The following COL24A1 variants were observed in gnomAD, a reference collection of about 807,000 sequenced individuals.
The protein encoded by COL24A1 is collagen type XXIV alpha 1 chain.
In COL24A1, 224 loss-of-function variants were observed where a neutral mutation model predicts 253.9. The ratio of observed to expected loss-of-function variants is 0.88; its 90% CI spans 0.79 to 0.99. The LOEUF (loss-of-function observed/expected upper bound fraction) is 0.99, where lower values mean the gene tolerates loss of function less well. Ranked by LOEUF, COL24A1 falls within the 50% of genes least tolerant of loss-of-function variation. COL24A1 has a pLI of 0.00. For synonymous variants in COL24A1, 685 were observed against 673.7 expected (o/e 1.02, Z -0.26); for missense variants, 2,131 against 2,068.5 (o/e 1.03, Z -0.59).
intron 1 of COL24A1, among the ~76,000 whole-genome samples, chr1:86,148,979 G>A (rs1652342081): frequency 6.6e-6 from 1 of 152,098 alleles, no homozygotes; most frequent in African/African-American, 2.4e-5. Flanking sequence ...GTGTAAAAGT[G>A]TTCCTATTTC....
intron 24 of COL24A1, among the ~76,000 whole-genome samples, chr1:85,932,531 A>G (rs1446172362): frequency 8.4e-6 from 1 of 119,236 alleles, no homozygotes; most frequent in Non-Finnish European, 1.7e-5. Context: ...CAGTGTGGCG[A>G]TTCCTCAGGG....
rs1557924378 is a variant in COL24A1 at position 85,734,863 on chromosome 1, C to A, written c.4884G>T (p.Trp1628Cys). The change falls in exon 59 of 60, where the codon TGG becomes TGT. Residue 1628 changes from tryptophan to cysteine, a missense_variant. Physicochemically the swap from Trp to Cys is radical, Grantham distance 215. Transcript: ENST00000370571. The stretch of plus-strand genomic sequence containing the variant: ...CTGGGCCACTTGTTTGTGTGCTTGT[C>A]CACCTTGGGGTGTTTAGACAGTGAA... ...ITIHCLNTPR[W>C]TSTQTSGPGL... is the part of the protein sequence containing the mutation. The A allele has an allele frequency of 6.2e-7, 1 of 1,614,178 alleles. No homozygotes were observed. Among genetic ancestry groups the A allele is most frequent in the Non-Finnish European group, 8.5e-7 (1 of 1,180,038 alleles).
intron 45 of COL24A1, among the ~76,000 whole-genome samples, chr1:85,818,586 T>A (rs967913642): frequency 6.6e-6 from 1 of 152,216 alleles, no homozygotes; most frequent in African/African-American, 2.4e-5. Flanking sequence ...AGAGCATACT[T>A]GTGATTCAAG....
chr1:86,072,282 C>G (rs1701932771), intron 7 of COL24A1, among the ~76,000 whole-genome samples: 1 of 152,168 alleles, frequency 6.6e-6, no homozygotes, highest in African/African-American at 2.4e-5. Context: ...GCTGCCAGCA[C>G]AGCAGTCTGA....
At chr1:85,733,602 T>C (rs1390355664) in intron 59 of COL24A1, among the ~76,000 whole-genome samples, 14 of 151,560 alleles carry the variant, frequency 9.2e-5, no homozygotes, top group South Asian at 2.1e-4. Context: ...TTTTTTGAGA[T>C]AGAGTTTTGC....
At chr1:85,760,427 A>T (rs1408725727) in intron 55 of COL24A1, among the ~76,000 whole-genome samples, 2 of 152,128 alleles carry the variant, frequency 1.3e-5, no homozygotes, top group Admixed American at 6.5e-5. Context: ...GTGATTTTTT[A>T]AAATCACAGA....
At chr1:85,936,910 C>T (rs1375240837) in intron 24 of COL24A1, among the ~76,000 whole-genome samples, 1 of 147,012 alleles carries the variant, frequency 6.8e-6, no homozygotes, top group African/African-American at 2.5e-5. Flanking sequence ...TCACAGGACA[C>T]CAAATGACTA....
intron 20 of COL24A1, among the ~76,000 whole-genome samples, chr1:85,982,455 A>C: frequency 6.6e-6 from 1 of 151,032 alleles, no homozygotes; most frequent in African/African-American, 2.4e-5. Flanking sequence ...AAACCCTTTA[A>C]TTTTCTATTT....
At chr1:85,774,478 C>T (rs535110805) in intron 53 of COL24A1, among the ~76,000 whole-genome samples, 4 of 152,184 alleles carry the variant, frequency 2.6e-5, no homozygotes, top group African/African-American at 4.8e-5. Context: ...TAGTAGAATT[C>T]GGCTGTGAAT....
intron 7 of COL24A1, 119 bp downstream of exon 7, chr1:86,089,055 T>C (rs1219901201): frequency 1.4e-6 from 1 of 694,064 alleles, no homozygotes; most frequent in African/African-American, 1.9e-5. Context: ...TCATAGTCAC[T>C]GAAGACCTCC....
At chr1:86,145,916 C>T (rs1052496802) in intron 2 of COL24A1, among the ~76,000 whole-genome samples, 11 of 151,852 alleles carry the variant, frequency 7.2e-5, no homozygotes, top group African/African-American at 2.4e-4. Context: ...ATTTCACAGA[C>T]GGAAGATATG....
chr1:86,055,459 G>GA (rs1291600627), intron 10 of COL24A1, among the ~76,000 whole-genome samples: 1 of 151,962 alleles, frequency 6.6e-6, no homozygotes, highest in African/African-American at 2.4e-5. Context: ...ATGGGAAAAG[G>GA]AAAAAACAAA....
intron 59 of COL24A1, among the ~76,000 whole-genome samples, chr1:85,732,118 A>G (rs1221338886): frequency 1.3e-5 from 2 of 152,192 alleles, no homozygotes; most frequent in African/African-American, 4.8e-5. Context: ...GGAATAATAA[A>G]CACCTACCTC....
rs1389728459 is a variant in COL24A1, at chr1:85,940,359, G to A, written c.2562+20890C>T. Among the ~76,000 whole-genome samples the A allele has an allele frequency of 1.5e-4, 2 of 13,330 alleles. 1 individual carries two copies. The highest frequency in any genetic ancestry group is 3.4e-4 in the Non-Finnish European group (2 of 5,960). 8.7% of individuals were successfully genotyped at this position (13,330 alleles called of 152,430 possible). Reference sequence around the variant, plus strand: ...GCGGAGCTTGCAGTGAGCCGAGATCGCGCCACTGCACTCCAGCCTGGGCGA... The same window carrying A: ...GCGGAGCTTGCAGTGAGCCGAGATCACGCCACTGCACTCCAGCCTGGGCGA... On this transcript the variant is annotated intron_variant, in intron 24 of 59. Transcript: ENST00000370571.
intron 32 of COL24A1, among the ~76,000 whole-genome samples, chr1:85,883,954 G>C (rs1682174175): frequency 6.6e-6 from 1 of 152,118 alleles, no homozygotes. Flanking sequence ...TTGTCTGTTA[G>C]ATCAATTAAG....
At chr1:85,764,483 C>T in intron 53 of COL24A1, among the ~76,000 whole-genome samples, 1 of 151,226 alleles carries the variant, frequency 6.6e-6, no homozygotes, top group Non-Finnish European at 1.5e-5. Flanking sequence ...CACACACACA[C>T]ACACACACAC....
At chr1:85,803,507 C>T (rs1366522238) in intron 47 of COL24A1, among the ~76,000 whole-genome samples, 1 of 150,448 alleles carries the variant, frequency 6.6e-6, no homozygotes, top group Non-Finnish European at 1.5e-5. Flanking sequence ...GATCCAGAGA[C>T]ATAGTATATA....
At chr1:86,063,929 GA>G (rs548189500) in intron 7 of COL24A1, among the ~76,000 whole-genome samples, 170 bp from the exon 8 acceptor site, 8 of 151,418 alleles carry the variant, frequency 5.3e-5, no homozygotes, top group African/African-American at 1.9e-4. Flanking sequence ...TATTTAATAA[GA>G]ATTACTTTTT....
chr1:86,068,204 G>C (rs927192052), intron 7 of COL24A1, among the ~76,000 whole-genome samples: 2 of 152,218 alleles, frequency 1.3e-5, no homozygotes, highest in African/African-American at 4.8e-5. Flanking sequence ...AGGTGAGCAA[G>C]AGCAATCACA....
Sources: allele counts gnomAD v4.1 joint callset (sites outside exome capture counted in the v4.1 genomes callset), GRCh38; gene constraint gnomAD v4.1.1; transcripts MANE v1.5; gene names NCBI Gene and HGNC (gene_info 2026-07-23, HGNC 2026-07-21).